Variants in DENND5B observed in about 807,000 individuals in gnomAD.
The protein encoded by DENND5B is DENN domain containing 5B.
In DENND5B, 34 loss-of-function variants were observed where a neutral mutation model predicts 140.6. The ratio of observed to expected loss-of-function variants is 0.24; its 90% CI spans 0.18 to 0.32. The LOEUF (loss-of-function observed/expected upper bound fraction) is 0.32. DENND5B is among the 10% of genes least tolerant of loss of function. The probability of loss-of-function intolerance (pLI) is 1.00; values close to 1 mark genes in which losing one functional copy is unlikely to be tolerated. For synonymous variants in DENND5B, 551 were observed against 562.1 expected (o/e 0.98, Z 0.28); for missense variants, 1,142 against 1,560.2 (o/e 0.73, Z 4.52).
intron 3 of DENND5B, among the ~76,000 whole-genome samples, chr12:31,462,525 A>G (rs1945067079): frequency 6.6e-6 from 1 of 152,078 alleles, no homozygotes; most frequent in African/African-American, 2.4e-5. Context: ...TTTCCTAAGG[A>G]CAGAGTGGCA....
chr12:31,471,990 C>T (rs1472053727), intron 3 of DENND5B, among the ~76,000 whole-genome samples: 1 of 152,148 alleles, frequency 6.6e-6, no homozygotes, highest in African/African-American at 2.4e-5. Flanking sequence ...ATATGCTCTG[C>T]ACAAAAGCCA....
At chr12:31,409,067 G>A (rs1052832045) in intron 14 of DENND5B, among the ~76,000 whole-genome samples, 196 bp downstream of exon 14, 2 of 152,186 alleles carry the variant, frequency 1.3e-5, no homozygotes, top group African/African-American at 2.4e-5. Context: ...TCAGTAAGGC[G>A]TTCTCTAAAG....
chr12:31,412,684 C>G (rs1178477466), intron 13 of DENND5B, among the ~76,000 whole-genome samples: 2 of 152,154 alleles, frequency 1.3e-5, no homozygotes, highest in East Asian at 3.9e-4. Flanking sequence ...GGAACCCTTG[C>G]CCTAAACTAG....
chr12:31,528,927 C>T (rs1321565933), intron 1 of DENND5B, among the ~76,000 whole-genome samples: 1 of 151,162 alleles, frequency 6.6e-6, no homozygotes, highest in Non-Finnish European at 1.5e-5. Flanking sequence ...TTTGGGAGGC[C>T]GAGGCAGGCG....
intron 2 of DENND5B, among the ~76,000 whole-genome samples, chr12:31,495,389 C>CTTTTTTTTTCTT: frequency 7.3e-6 from 1 of 136,234 alleles, no homozygotes; most frequent in African/African-American, 2.7e-5. Context: ...CTTTTTTTTT[C>CTTTTTTTTTCTT]TTTTTTTGAG....
At chr12:31,403,897 C>CAA (rs751708684) in intron 14 of DENND5B, among the ~76,000 whole-genome samples, 1 of 36,372 alleles carries the variant, frequency 2.7e-5, no homozygotes, top group Non-Finnish European at 4.7e-5. Context: ...ACTCCATCTC[C>CAA]AAAAAAAAAA....
intron 1 of DENND5B, among the ~76,000 whole-genome samples, chr12:31,571,290 G>A (rs879746682): frequency 6.6e-6 from 1 of 152,186 alleles, no homozygotes; most frequent in Non-Finnish European, 1.5e-5. Flanking sequence ...GAGATCAAGA[G>A]TTTATCTTGT....
Position 31,494,181 on chromosome 12 carries a change from T to TATCTATCC in DENND5B, c.237+1628_237+1629insGGATAGAT, listed in dbSNP as rs1268264034. Reference sequence around the variant, plus strand: ...CTATCTATCTATCTATCTATCTATCTATCCATCCATCCATCCATCCACCTA... The same window carrying TATCTATCC: ...CTATCTATCTATCTATCTATCTATCTATCTATCCATCCATCCATCCATCCATCCACCTA... On this transcript the variant is annotated intron_variant, in intron 2 of 20. Coordinates refer to ENST00000389082, the MANE Select transcript of DENND5B (RefSeq NM_144973.4). 2.0e-3 allele frequency among the ~76,000 whole-genome samples: 175 copies of TATCTATCC among 85,764 alleles called. 1 individual carries two copies. Among genetic ancestry groups the TATCTATCC allele is most frequent in the African/African-American group, 7.4e-3 (162 of 21,758 alleles). 56.3% of individuals were successfully genotyped at this position (85,764 alleles called of 152,430 possible). A position where few individuals can be genotyped will look rare whatever the true frequency, so the allele number is the denominator to read the frequency against.
intron 3 of DENND5B, among the ~76,000 whole-genome samples, chr12:31,474,707 C>T (rs1476932167): frequency 6.6e-6 from 1 of 152,142 alleles, no homozygotes; most frequent in Non-Finnish European, 1.5e-5. Context: ...TGAAGTATCA[C>T]ATGTTATTAA....
intron 14 of DENND5B, among the ~76,000 whole-genome samples, chr12:31,403,485 T>G (rs1593070294): frequency 6.7e-6 from 1 of 148,272 alleles, no homozygotes; most frequent in Admixed American, 6.7e-5. Context: ...CCCAGCTACT[T>G]GGGAAGCTCA....
At chr12:31,442,513 A>G (rs902336270) in intron 7 of DENND5B, among the ~76,000 whole-genome samples, 1 of 152,136 alleles carries the variant, frequency 6.6e-6, no homozygotes, top group Non-Finnish European at 1.5e-5. Flanking sequence ...CGCCATTTAA[A>G]GTGTGGCTTT....
intron 1 of DENND5B, among the ~76,000 whole-genome samples, chr12:31,516,199 GGGTGGGCAC>G (rs1405397360): frequency 6.6e-6 from 1 of 151,998 alleles, no homozygotes; most frequent in East Asian, 1.9e-4. Flanking sequence ...AATTAAGCAT[GGGTGGGCAC>G]GGTGGCTCGC....
chr12:31,549,348 T>C (rs942827539), intron 1 of DENND5B, among the ~76,000 whole-genome samples: 2 of 152,198 alleles, frequency 1.3e-5, no homozygotes, highest in African/African-American at 4.8e-5. Flanking sequence ...AAAGGAATCC[T>C]GATTTTTTAA....
intron 4 of DENND5B, among the ~76,000 whole-genome samples, chr12:31,458,166 A>C (rs375667511): frequency 2.0e-5 from 3 of 152,242 alleles, no homozygotes; most frequent in Non-Finnish European, 4.4e-5. Flanking sequence ...AGAATCCTTA[A>C]ATTTGTTTAT....
At chr12:31,473,481 G>C (rs1945650727) in intron 3 of DENND5B, among the ~76,000 whole-genome samples, 1 of 152,118 alleles carries the variant, frequency 6.6e-6, no homozygotes, top group Non-Finnish European at 1.5e-5. Context: ...ATGCTAAATG[G>C]GAATGAATTA....
At chr12:31,427,258 C>T (rs1943281579) in intron 8 of DENND5B, among the ~76,000 whole-genome samples, 1 of 152,224 alleles carries the variant, frequency 6.6e-6, no homozygotes, top group South Asian at 2.1e-4. Context: ...AAAATCACTA[C>T]ATGTGTTTAG....
intron 1 of DENND5B, among the ~76,000 whole-genome samples, chr12:31,562,996 T>C (rs890917312): frequency 2.6e-5 from 4 of 152,088 alleles, no homozygotes. Flanking sequence ...AAGCAAACTT[T>C]CTGCACAATA....
intron 2 of DENND5B, among the ~76,000 whole-genome samples, chr12:31,484,155 C>T (rs1038259725): frequency 3.0e-4 from 46 of 152,190 alleles, no homozygotes; most frequent in Admixed American, 1.8e-3. Flanking sequence ...GACCCGGCCT[C>T]GAGCAATTTT....
At chr12:31,469,408 GC>G (rs1333201585) in intron 3 of DENND5B, among the ~76,000 whole-genome samples, 1 of 151,880 alleles carries the variant, frequency 6.6e-6, no homozygotes, top group Non-Finnish European at 1.5e-5. Flanking sequence ...ACATTAAGGT[GC>G]TGGGTAAGTC....
Sources: allele counts gnomAD v4.1 joint callset (sites outside exome capture counted in the v4.1 genomes callset), GRCh38; gene constraint gnomAD v4.1.1; transcripts MANE v1.5; gene names NCBI Gene and HGNC (gene_info 2026-07-23, HGNC 2026-07-21).